Variants in ATP9A observed in about 807,000 individuals in gnomAD.
ATP9A encodes ATPase phospholipid transporting 9A.
Under a neutral mutation model 144.1 loss-of-function variants are expected in ATP9A, and 52 were observed. The ratio of observed to expected loss-of-function variants is 0.36; its 90% CI spans 0.29 to 0.45. The LOEUF is 0.45. ATP9A is among the 20% of genes least tolerant of loss of function. The pLI is 1.00. For missense variants in ATP9A, 947 were observed against 1,392.7 expected, an observed-to-expected ratio of 0.68 and a Z score of 5.09; for synonymous variants, 582 against 557.4, an observed-to-expected ratio of 1.04 and a Z score of -0.62.
chr20:51,742,394 G>A (rs1245580762), intron 1 of ATP9A, among the ~76,000 whole-genome samples: 1 of 151,372 alleles, frequency 6.6e-6, no homozygotes, highest in Non-Finnish European at 1.5e-5. Flanking sequence ...GCCATAAACA[G>A]AAGATAAATA....
At chr20:51,606,716 T>G (rs1601051463) in intron 26 of ATP9A, among the ~76,000 whole-genome samples, 1 of 151,816 alleles carries the variant, frequency 6.6e-6, no homozygotes, top group Non-Finnish European at 1.5e-5. Context: ...TGGGAAGAAA[T>G]GAACTGATTT....
At chr20:51,683,494 G>A (rs1239163942) in intron 9 of ATP9A, among the ~76,000 whole-genome samples, 3 of 152,026 alleles carry the variant, frequency 2.0e-5, no homozygotes, top group Non-Finnish European at 4.4e-5. Flanking sequence ...GTGTTAGCCA[G>A]GATGGTCTCG....
At chr20:51,699,291 C>G (rs2077583314) in intron 4 of ATP9A, among the ~76,000 whole-genome samples, 1 of 149,136 alleles carries the variant, frequency 6.7e-6, no homozygotes, top group Non-Finnish European at 1.5e-5. Context: ...CAAGATCTCA[C>G]CCTTGCACTC....
intron 21 of ATP9A, 132 bp downstream of exon 21, chr20:51,618,530 G>T: frequency 7.6e-7 from 1 of 1,322,024 alleles, no homozygotes; most frequent in Non-Finnish European, 1.0e-6. Context: ...GAGAGGTGGA[G>T]AAAAATCATG....
chr20:51,687,692 A>C (rs999402889), intron 9 of ATP9A, among the ~76,000 whole-genome samples: 2 of 151,856 alleles, frequency 1.3e-5, no homozygotes, highest in African/African-American at 4.8e-5. Flanking sequence ...TGAGCCCAGG[A>C]GTTCGAGGCT....
At chr20:51,685,638 C>T (rs1052374215) in intron 9 of ATP9A, among the ~76,000 whole-genome samples, 1 of 152,188 alleles carries the variant, frequency 6.6e-6, no homozygotes, top group South Asian at 2.1e-4. Flanking sequence ...CTGGCCATCA[C>T]AGAAATGCAA....
intron 13 of ATP9A, 68 bp from the exon 14 acceptor site, chr20:51,657,218 GC>G: frequency 7.6e-7 from 1 of 1,316,424 alleles, no homozygotes; most frequent in Non-Finnish European, 1.1e-6. Flanking sequence ...TGGAAGAACA[GC>G]CGTGCAGCTA....
At position 51,599,019 on chromosome 20, in the gene ATP9A, T is replaced by A. The variant is rs2077131233; in HGVS notation, c.*2192A>T. ...TCTCCCTTGAAGATGTCAATCAGTATCTTAAGCGTTGGCTTTAAAAGTCAA... is the reference window on the plus strand; with the variant it reads ...TCTCCCTTGAAGATGTCAATCAGTAACTTAAGCGTTGGCTTTAAAAGTCAA... On this transcript the variant is annotated 3_prime_UTR_variant, in exon 28 of 28. Transcript: ENST00000338821. 6.6e-6 allele frequency: 1 copy of A among 152,242 alleles called. No homozygotes were observed. The allele number at this position is 152,242 out of a possible 1,614,324, so 9.4% of individuals were successfully genotyped here. A position where few individuals can be genotyped will look rare whatever the true frequency, so the allele number is the denominator to read the frequency against.
Position 51,760,704 on chromosome 20 carries a change from C to T in ATP9A, c.68+7598G>A, listed in dbSNP as rs374374462. Among the ~76,000 whole-genome samples the T allele has an allele frequency of 4.1e-3, 513 of 126,250 alleles. 4 individuals carry two copies. The highest frequency in any genetic ancestry group is 0.014 in the African/African-American group (445 of 31,506). The allele number at this position is 126,250 out of a possible 152,430, so 82.8% of individuals were successfully genotyped here. ...TCACGCCACTGCACTCCAGCCTGGG[C>T]GACAGAGCAAGACTCCGTCTCAAAA... On this transcript the variant is annotated intron_variant, in intron 1 of 27. Coordinates refer to ENST00000338821, the MANE Select transcript of ATP9A (RefSeq NM_006045.3).
In ATP9A at chr20:51,749,463, C is replaced by T. The variant is rs2077822533; in HGVS notation, c.68+18839G>A. Among the ~76,000 whole-genome samples, 4 of 152,226 alleles carry T rather than the reference C, an allele frequency of 2.6e-5. No individual in the cohort carries two copies. In the South Asian group the frequency reaches 8.3e-4, roughly 32 times the overall value. ...CTATTTGTAGTAGAGACAGTTTCAC[C>T]ATGTTGACCAGGCTGGTCTCAAACT... is the stretch of plus-strand genomic sequence containing the variant. On this transcript the variant is annotated intron_variant, in intron 1 of 27. Transcript: ENST00000338821.
At chr20:51,656,218 G>A (rs1420770580) in intron 14 of ATP9A, among the ~76,000 whole-genome samples, 20 of 51,640 alleles carry the variant, frequency 3.9e-4, no homozygotes. Flanking sequence ...GATGATGGTT[G>A]CAAAAAAAAA....
At chr20:51,636,808 G>T (rs2077294175) in intron 15 of ATP9A, among the ~76,000 whole-genome samples, 2 of 152,236 alleles carry the variant, frequency 1.3e-5, no homozygotes, top group African/African-American at 4.8e-5. Flanking sequence ...ACAGCCTCTG[G>T]CACACAATAA....
At chr20:51,725,986 C>T in intron 2 of ATP9A, 54 bp from the exon 3 acceptor site, 1 of 1,068,330 alleles carries the variant, frequency 9.4e-7, no homozygotes, top group Non-Finnish European at 1.5e-6. Flanking sequence ...CTGATGAGAT[C>T]TGGAACATTT....
chr20:51,639,571 G>GA, intron 14 of ATP9A, 67 bp from the exon 15 acceptor site: 1 of 1,485,232 alleles, frequency 6.7e-7, no homozygotes, highest in Non-Finnish European at 9.1e-7. Context: ...GCTGTGCTAT[G>GA]AACACAAAGG....
intron 14 of ATP9A, among the ~76,000 whole-genome samples, chr20:51,639,771 G>A (rs1025137527): frequency 1.9e-4 from 29 of 152,142 alleles, no homozygotes; most frequent in Admixed American, 1.3e-4. Flanking sequence ...GAGGCATGGC[G>A]GAAAGAGATG....
intron 13 of ATP9A, among the ~76,000 whole-genome samples, chr20:51,666,354 T>G (rs1025365274): frequency 2.6e-5 from 4 of 152,060 alleles, no homozygotes; most frequent in African/African-American, 9.7e-5. Context: ...CTGGCCCAAG[T>G]GATCTAGCCC....
At chr20:51,731,719 CAA>C (rs59560813) in intron 1 of ATP9A, among the ~76,000 whole-genome samples, 2 of 137,800 alleles carry the variant, frequency 1.5e-5, no homozygotes. Context: ...ACTCCATCTC[CAA>C]AAAAAAAAAA....
intron 1 of ATP9A, among the ~76,000 whole-genome samples, chr20:51,758,683 T>C (rs1207764085): frequency 6.6e-6 from 1 of 152,086 alleles, no homozygotes; most frequent in Non-Finnish European, 1.5e-5. Flanking sequence ...TCCCAGCACT[T>C]TGGAAGGCCA....
intron 21 of ATP9A, among the ~76,000 whole-genome samples, chr20:51,617,998 T>C (rs2048521406): frequency 6.6e-6 from 1 of 152,114 alleles, no homozygotes. Flanking sequence ...GGCAGGCAGA[T>C]CACCTGAGGT....
Sources: gnomAD v4.1 joint callset for allele counts (sites outside exome capture counted in the v4.1 genomes callset) on GRCh38, gnomAD v4.1.1 for gene constraint, MANE v1.5 for transcripts, NCBI Gene and HGNC (gene_info 2026-07-23, HGNC 2026-07-21) for gene names.